The following XKR9 variants were observed in gnomAD, a reference collection of about 807,000 sequenced individuals.
XKR9 encodes XK-related protein 9.
Under a neutral mutation model 32.0 loss-of-function variants are expected in XKR9, and 32 were observed. The ratio of observed to expected loss-of-function variants is 1.00; its 90% CI spans 0.76 to 1.34. The LOEUF (loss-of-function observed/expected upper bound fraction) is 1.34. XKR9 is among the 40% of genes most tolerant of loss of function. The pLI is 0.00. For missense variants in XKR9, 546 were observed against 429.7 expected, an observed-to-expected ratio of 1.27 and a Z score of -2.39; for synonymous variants, 168 against 143.4, an observed-to-expected ratio of 1.17 and a Z score of -1.22.
chr8:70,818,740 A>G, the XKR9 span, among the ~76,000 whole-genome samples: 1 of 152,204 alleles, frequency 6.6e-6, no homozygotes, highest in Non-Finnish European at 1.5e-5. Flanking sequence ...CTAGGGGTTG[A>G]GTAGTCTTAG....
chr8:70,720,309 G>A (rs532938011), intron 4 of XKR9, among the ~76,000 whole-genome samples: 5 of 152,128 alleles, frequency 3.3e-5, no homozygotes, highest in African/African-American at 1.2e-4. Flanking sequence ...TTGCCTGATT[G>A]CTCTGGCCAG....
chr8:70,932,045 C>T, the XKR9 span, among the ~76,000 whole-genome samples: 6 of 152,098 alleles, frequency 3.9e-5, no homozygotes, highest in Admixed American at 1.3e-4. Context: ...GCATTTCACA[C>T]GTATTAGACA....
chr8:70,932,330 A>C, the XKR9 span, among the ~76,000 whole-genome samples: 1 of 152,096 alleles, frequency 6.6e-6, no homozygotes, highest in Non-Finnish European at 1.5e-5. Context: ...AATTAATTGC[A>C]TCTCAGGAGA....
the XKR9 span, among the ~76,000 whole-genome samples, chr8:70,811,476 C>A: frequency 1.3e-5 from 2 of 152,060 alleles, no homozygotes; most frequent in African/African-American, 4.8e-5. Flanking sequence ...CACAAAAAAC[C>A]ATTCAAAAAA....
chr8:70,713,271 A>G (rs1210212391), intron 4 of XKR9, among the ~76,000 whole-genome samples: 1 of 152,116 alleles, frequency 6.6e-6, no homozygotes, highest in Non-Finnish European at 1.5e-5. Flanking sequence ...AATATGAGAG[A>G]GATATTAAGA....
At chr8:71,057,194 A>C in the XKR9 span, among the ~76,000 whole-genome samples, 2 of 152,208 alleles carry the variant, frequency 1.3e-5, no homozygotes, top group Non-Finnish European at 2.9e-5. Flanking sequence ...CAGGCATAGC[A>C]AGACACAGTT....
intron 3 of XKR9, among the ~76,000 whole-genome samples, chr8:70,694,972 T>A (rs1189611060): frequency 6.6e-6 from 1 of 152,146 alleles, no homozygotes; most frequent in Non-Finnish European, 1.5e-5. Context: ...AAGGCCCTGC[T>A]GGAGTGGGTT....
At chr8:70,875,004 T>C in the XKR9 span, among the ~76,000 whole-genome samples, 2 of 152,142 alleles carry the variant, frequency 1.3e-5, no homozygotes, top group African/African-American at 4.8e-5. Context: ...ACCCAAACCA[T>C]ATGAACTGAG....
chr8:70,817,636 A>C, the XKR9 span, among the ~76,000 whole-genome samples: 3 of 152,146 alleles, frequency 2.0e-5, no homozygotes, highest in Non-Finnish European at 4.4e-5. Flanking sequence ...TCTAAAATTC[A>C]TATGGGCCCC....
At chr8:70,768,788 T>C (rs1337340429) in intron 2 of XKR9, among the ~76,000 whole-genome samples, 1 of 151,456 alleles carries the variant, frequency 6.6e-6, no homozygotes, top group Non-Finnish European at 1.5e-5. Flanking sequence ...GCTTGGTAAA[T>C]ATTCTTCCAT....
the XKR9 span, among the ~76,000 whole-genome samples, chr8:70,851,548 G>A: frequency 9.9e-5 from 15 of 152,136 alleles, no homozygotes; most frequent in African/African-American, 3.6e-4. Context: ...CAAGACTACA[G>A]TAACCAAAAC....
the XKR9 span, among the ~76,000 whole-genome samples, chr8:71,024,863 G>A: frequency 6.6e-6 from 1 of 152,050 alleles, no homozygotes; most frequent in African/African-American, 2.4e-5. Flanking sequence ...TTCTCTCTTG[G>A]TTGTTCTATT....
chr8:70,789,716 T>G (rs551311070), intron 3 of XKR9, among the ~76,000 whole-genome samples: 12 of 135,380 alleles, frequency 8.9e-5, no homozygotes, highest in Non-Finnish European at 2.1e-4. Flanking sequence ...GACCTATAGT[T>G]TTTTTTTAGT....
At chr8:70,738,417 T>C (rs866990360), downstream of XKR9, among the ~76,000 whole-genome samples, 25 of 148,932 alleles carry the variant, frequency 1.7e-4, no homozygotes, top group Middle Eastern at 3.4e-3. Flanking sequence ...TTTCAAAAAA[T>C]CAGCTCCTGG....
chr8:70,901,111 A>G, the XKR9 span, among the ~76,000 whole-genome samples: 4 of 152,326 alleles, frequency 2.6e-5, no homozygotes, highest in East Asian at 7.7e-4. Context: ...TAGTGCTTCA[A>G]TAAACATACG....
chr8:70,833,460 G>A, the XKR9 span, among the ~76,000 whole-genome samples: 2 of 152,092 alleles, frequency 1.3e-5, no homozygotes, highest in Non-Finnish European at 2.9e-5. Context: ...TATCAGAAAT[G>A]AAAGGTAAAG....
chr8:70,961,247 G>T, the XKR9 span, among the ~76,000 whole-genome samples: 2 of 152,122 alleles, frequency 1.3e-5, no homozygotes, highest in African/African-American at 4.8e-5. Flanking sequence ...AGAAGCAGAG[G>T]TATAGAGGAA....
intron 2 of XKR9, among the ~76,000 whole-genome samples, chr8:70,748,936 G>A (rs531325324): frequency 6.6e-6 from 1 of 152,210 alleles, no homozygotes; most frequent in South Asian, 2.1e-4. Flanking sequence ...CAACTCTTCA[G>A]GATGACCTGC....
chr8:70,844,604 C>A, the XKR9 span, among the ~76,000 whole-genome samples: 1 of 152,204 alleles, frequency 6.6e-6, no homozygotes, highest in Non-Finnish European at 1.5e-5. Context: ...GGGGACAGGC[C>A]TGCTCACCCC....
Sources: allele counts gnomAD v4.1 joint callset (sites outside exome capture counted in the v4.1 genomes callset), GRCh38; gene constraint gnomAD v4.1.1; transcripts MANE v1.5; gene names NCBI Gene and HGNC (gene_info 2026-07-23, HGNC 2026-07-21).